FNIP2: variants seen among roughly 807,000 people sequenced by gnomAD.
FNIP2 encodes folliculin-interacting protein 2.
A neutral mutation model predicts 108.7 loss-of-function variants in FNIP2; 32 were observed. That is an observed-to-expected ratio of 0.29 (90% confidence interval 0.22 to 0.40). The LOEUF is 0.40. Ranked by LOEUF, FNIP2 falls within the 10% of genes least tolerant of loss-of-function variation. FNIP2 has a pLI of 1.00. For synonymous variants in FNIP2, 480 were observed against 496.7 expected (o/e 0.97, Z 0.45); for missense variants, 1,202 against 1,381.6 (o/e 0.87, Z 2.06).
Position 158,898,658 on chromosome 4 carries a change from C to T in FNIP2, c.3266+2793C>T, listed in dbSNP as rs148859191. On this transcript the variant is annotated intron_variant, in intron 16 of 16. Coordinates refer to ENST00000264433, the MANE Select transcript of FNIP2 (RefSeq NM_020840.3). ...TCTGTCTGTTATTGGTGTATAGGAACGCATGTGATTTTTGCACATTGATTT... is the reference window on the plus strand; with the variant it reads ...TCTGTCTGTTATTGGTGTATAGGAATGCATGTGATTTTTGCACATTGATTT... Among the ~76,000 whole-genome samples, 1,516 of 152,150 alleles carry T rather than the reference C, an allele frequency of 1.0e-2. 23 individuals carry two copies. Among genetic ancestry groups the T allele is most frequent in the African/African-American group, 0.034 (1,395 of 41,512 alleles).
chr4:158,792,040 G>T (rs1776435483), intron 1 of FNIP2, among the ~76,000 whole-genome samples: 1 of 152,136 alleles, frequency 6.6e-6, no homozygotes, highest in African/African-American at 2.4e-5. Context: ...GGAGGTTGAA[G>T]CTACAGTGAG....
At chr4:158,854,534 C>T (rs1779878314) in intron 8 of FNIP2, among the ~76,000 whole-genome samples, 1 of 152,262 alleles carries the variant, frequency 6.6e-6, no homozygotes, top group South Asian at 2.1e-4. Context: ...CTGAGTTCAT[C>T]CGTGCCCTCC....
intron 16 of FNIP2, among the ~76,000 whole-genome samples, chr4:158,896,849 T>TTATTA (rs200974880): frequency 1.3e-5 from 2 of 151,758 alleles, no homozygotes; most frequent in African/African-American, 2.4e-5. Flanking sequence ...TAGTTTTTTT[T>TTATTA]TTATTATTAT....
At chr4:158,850,426 A>G (rs1484787343) in intron 7 of FNIP2, among the ~76,000 whole-genome samples, 4 of 151,564 alleles carry the variant, frequency 2.6e-5, no homozygotes, top group African/African-American at 9.7e-5. Flanking sequence ...CCCTTTGCCT[A>G]CCTGAGAGGG....
chr4:158,834,580 G>A (rs1207073764), intron 6 of FNIP2: 1 of 152,106 alleles, frequency 6.6e-6, no homozygotes, highest in Non-Finnish European at 1.5e-5. Flanking sequence ...TGAGGAAAAT[G>A]CATTTAAATA....
intron 7 of FNIP2, among the ~76,000 whole-genome samples, chr4:158,851,077 A>G (rs970452778): frequency 9.2e-5 from 14 of 151,978 alleles, no homozygotes; most frequent in African/African-American, 3.4e-4. Flanking sequence ...TTTTTTTCCA[A>G]TTTTTGGATT....
intron 16 of FNIP2, 97 bp from the exon 17 acceptor site, chr4:158,904,369 G>A (rs1439865374): frequency 6.5e-6 from 7 of 1,075,972 alleles, no homozygotes; most frequent in Non-Finnish European, 9.7e-6. Flanking sequence ...ATCAAACTTA[G>A]TACCTAGAAA....
chr4:158,882,388 C>T (rs1044959016), intron 14 of FNIP2, among the ~76,000 whole-genome samples: 2 of 150,712 alleles, frequency 1.3e-5, no homozygotes, highest in Admixed American at 1.3e-4. Context: ...GTGGGGGGCG[C>T]CTCCGCCCGG....
intron 1 of FNIP2, among the ~76,000 whole-genome samples, chr4:158,797,279 A>G (rs1164059467): frequency 1.3e-5 from 2 of 152,192 alleles, no homozygotes; most frequent in Non-Finnish European, 2.9e-5. Flanking sequence ...CTCTACATAG[A>G]TTTCCTTTAA....
intron 15 of FNIP2, among the ~76,000 whole-genome samples, chr4:158,894,406 A>G (rs370441884): frequency 5.3e-5 from 8 of 152,160 alleles, no homozygotes; most frequent in African/African-American, 1.4e-4. Context: ...TCCTGGGCTC[A>G]AGTGATCCTC....
chr4:158,895,383 A>G (rs1228060915), intron 15 of FNIP2, among the ~76,000 whole-genome samples: 1 of 152,220 alleles, frequency 6.6e-6, no homozygotes, highest in East Asian at 1.9e-4. Flanking sequence ...TCACATTCTC[A>G]ATATTGTTTA....
chr4:158,816,478 C>T (rs1777574005), intron 1 of FNIP2, among the ~76,000 whole-genome samples: 1 of 152,068 alleles, frequency 6.6e-6, no homozygotes, highest in Non-Finnish European at 1.5e-5. Flanking sequence ...ATTATGCTGA[C>T]AAGGGTGTAA....
chr4:158,839,360 A>G (rs932531061), intron 7 of FNIP2, among the ~76,000 whole-genome samples: 4 of 151,722 alleles, frequency 2.6e-5, no homozygotes, highest in Admixed American at 2.0e-4. Context: ...CATTTCTATT[A>G]TTTATTTATT....
intron 14 of FNIP2, among the ~76,000 whole-genome samples, chr4:158,870,848 G>A (rs1010316337): frequency 6.6e-6 from 1 of 152,234 alleles, no homozygotes; most frequent in African/African-American, 2.4e-5. Flanking sequence ...CAGAGAGCAG[G>A]GGCACAGCTG....
At chr4:158,791,643 A>G (rs1334159987) in intron 1 of FNIP2, among the ~76,000 whole-genome samples, 1 of 152,184 alleles carries the variant, frequency 6.6e-6, no homozygotes, top group East Asian at 1.9e-4. Flanking sequence ...AAATGTTACC[A>G]GTTATAACCA....
At chr4:158,837,839 C>G (rs1269646661) in intron 7 of FNIP2, among the ~76,000 whole-genome samples, 2 of 152,164 alleles carry the variant, frequency 1.3e-5, no homozygotes, top group African/African-American at 4.8e-5. Context: ...GTCTCTGGTT[C>G]TCCTGTTGGG....
Position 158,847,523 on chromosome 4 carries a change from G to A in FNIP2, c.728-3798G>A, listed in dbSNP as rs1779471214. On this transcript the variant is annotated intron_variant, in intron 7 of 16. Coordinates refer to ENST00000264433, the MANE Select transcript of FNIP2 (RefSeq NM_020840.3). Reference sequence around the variant, plus strand: ...AAGGAACCCGCTGCCTTGAAGGGAAGGACCCAGTACTGGCAGGATTCATCA... The same window carrying A: ...AAGGAACCCGCTGCCTTGAAGGGAAAGACCCAGTACTGGCAGGATTCATCA... Among the ~76,000 whole-genome samples the A allele has an allele frequency of 2.0e-5, 3 of 152,152 alleles. No homozygotes were observed. In the South Asian group the frequency reaches 6.2e-4, roughly 32 times the overall value.
At chr4:158,880,531 G>T (rs1041817138) in intron 14 of FNIP2, among the ~76,000 whole-genome samples, 1 of 152,148 alleles carries the variant, frequency 6.6e-6, no homozygotes, top group African/African-American at 2.4e-5. Flanking sequence ...CATGGCACAT[G>T]TATACATATG....
At chr4:158,896,248 T>A (rs181197118) in intron 16 of FNIP2, among the ~76,000 whole-genome samples, 1 of 151,860 alleles carries the variant, frequency 6.6e-6, no homozygotes, top group African/African-American at 2.4e-5. Context: ...GGAGGAGGAG[T>A]AGGTTGGCAC....
Sources: allele counts gnomAD v4.1 joint callset (sites outside exome capture counted in the v4.1 genomes callset), GRCh38; gene constraint gnomAD v4.1.1; transcripts MANE v1.5; gene names NCBI Gene and HGNC (gene_info 2026-07-23, HGNC 2026-07-21).